Variants in SKIC8 observed in about 807,000 individuals in gnomAD.
SKIC8 encodes SKI8 subunit of superkiller complex.
chr15:78,285,002 T>C, the SKIC8 span: 25 of 439,060 alleles, frequency 5.7e-5, no homozygotes, highest in Non-Finnish European at 9.8e-5. Context: ...ATTTAAAGGC[T>C]GTGGGGCTAA....
At chr15:78,285,779 A>T in the SKIC8 span, 1 of 465,432 alleles carries the variant, frequency 2.1e-6, no homozygotes, top group African/African-American at 1.9e-5. Flanking sequence ...TTGGAACACA[A>T]GTCTACCTTA....
At chr15:78,295,874 C>T in the SKIC8 span, 24 of 555,142 alleles carry the variant, frequency 4.3e-5, no homozygotes, top group African/African-American at 3.8e-4. Context: ...GAACCTCCTT[C>T]GCACTCCCTA....
the SKIC8 span, chr15:78,285,228 C>T: frequency 9.3e-6 from 15 of 1,605,668 alleles, no homozygotes; most frequent in Admixed American, 3.3e-5. Context: ...CAAACAACCC[C>T]GACTATCTAA....
chr15:78,287,308 C>T, the SKIC8 span, among the ~76,000 whole-genome samples: 13,316 of 134,856 alleles, frequency 0.099, 604 homozygotes, highest in South Asian at 0.14. Flanking sequence ...CTCTGGGCTA[C>T]AGCACCCTCA....
At chr15:78,291,505 C>T in the SKIC8 span, among the ~76,000 whole-genome samples, 31 of 152,022 alleles carry the variant, frequency 2.0e-4, 2 homozygotes, top group Non-Finnish European at 2.9e-5. Flanking sequence ...AAATACATAT[C>T]CCACCCCACG....
At chr15:78,288,965 A>G in the SKIC8 span, 1 of 441,722 alleles carries the variant, frequency 2.3e-6, no homozygotes. Flanking sequence ...AGTTCATCAG[A>G]ATCCAAAATA....
chr15:78,287,805 A>G, the SKIC8 span, among the ~76,000 whole-genome samples: 1 of 152,320 alleles, frequency 6.6e-6, no homozygotes, highest in East Asian at 1.9e-4. Flanking sequence ...CTATACTCGC[A>G]GTCAAGGGCC....
At chr15:78,286,165 A>T in the SKIC8 span, 2 of 1,591,156 alleles carry the variant, frequency 1.3e-6, no homozygotes, top group South Asian at 2.2e-5. Flanking sequence ...CAAAATTGAG[A>T]TGTTAATTTC....
At chr15:78,292,800 G>T in the SKIC8 span, 1 of 1,611,986 alleles carries the variant, frequency 6.2e-7, no homozygotes, top group South Asian at 1.1e-5. Context: ...TTCAACAGGG[G>T]ACAGAGAAAT....
chr15:78,285,162 G>A, the SKIC8 span: 640 of 1,120,114 alleles, frequency 5.7e-4, 7 homozygotes, highest in Middle Eastern at 2.0e-4. Flanking sequence ...GCATCTACTG[G>A]TATCCACAGC....
the SKIC8 span, chr15:78,291,781 C>A: frequency 5.3e-5 from 8 of 152,204 alleles, no homozygotes; most frequent in African/African-American, 1.7e-4. Flanking sequence ...CATGGAACAC[C>A]TAAGCAGCTC....
the SKIC8 span, chr15:78,288,221 G>A: frequency 1.3e-6 from 2 of 1,536,728 alleles, no homozygotes; most frequent in Non-Finnish European, 1.8e-6. Flanking sequence ...CCTCCCTAGG[G>A]CTCCTTGTAA....
At chr15:78,289,868 C>G in the SKIC8 span, 1 of 1,571,954 alleles carries the variant, frequency 6.4e-7, no homozygotes, top group South Asian at 1.2e-5. Context: ...CAGACCAAGA[C>G]AGAATCTGTG....
the SKIC8 span, chr15:78,283,668 G>T: frequency 1.7e-6 from 1 of 578,618 alleles, no homozygotes; most frequent in South Asian, 3.1e-5. Context: ...GAGAATGGAG[G>T]CTTTAACCGA....
At chr15:78,293,269 T>C in the SKIC8 span, 1 of 1,614,100 alleles carries the variant, frequency 6.2e-7, no homozygotes, top group Non-Finnish European at 8.5e-7. Context: ...GGCATCATCA[T>C]GGGCTAGAAT....
chr15:78,292,479 T>C, the SKIC8 span: 8 of 922,124 alleles, frequency 8.7e-6, no homozygotes, highest in Admixed American at 1.7e-4. Flanking sequence ...GGGTATTATG[T>C]GAAATACAGT....
At chr15:78,296,361 G>A in the SKIC8 span, among the ~76,000 whole-genome samples, 2 of 151,962 alleles carry the variant, frequency 1.3e-5, no homozygotes, top group Non-Finnish European at 2.9e-5. Context: ...AGCTGAAATT[G>A]TGCCACTGAA....
chr15:78,287,257 G>A, the SKIC8 span, among the ~76,000 whole-genome samples: 1 of 152,176 alleles, frequency 6.6e-6, no homozygotes, highest in Non-Finnish European at 1.5e-5. Context: ...TACTGCCTCT[G>A]CCACTAACAG....
the SKIC8 span, chr15:78,294,789 TGTC>T: frequency 4.5e-5 from 27 of 594,898 alleles, no homozygotes; most frequent in South Asian, 1.8e-4. Flanking sequence ...TTGTTGTTGT[TGTC>T]TGTTTTTTAA....
Sources: gnomAD v4.1 joint callset for allele counts (sites outside exome capture counted in the v4.1 genomes callset) on GRCh38, gnomAD v4.1.1 for gene constraint, MANE v1.5 for transcripts, NCBI Gene and HGNC (gene_info 2026-07-23, HGNC 2026-07-21) for gene names.